PTPRT: variants seen among roughly 807,000 people sequenced by gnomAD.
PTPRT encodes receptor-type tyrosine-protein phosphatase T.
Under a neutral mutation model 176.8 loss-of-function variants are expected in PTPRT, and 56 were observed. The ratio of observed to expected loss-of-function variants is 0.32; its 90% CI spans 0.26 to 0.40. The LOEUF is 0.40. Ranked by LOEUF, PTPRT falls within the 10% of genes least tolerant of loss-of-function variation. PTPRT has a pLI of 1.00. For synonymous variants in PTPRT, 783 were observed against 739.0 expected, an observed-to-expected ratio of 1.06 and a Z score of -0.96; for missense variants, 1,540 against 1,908.2, an observed-to-expected ratio of 0.81 and a Z score of 3.60.
intron 7 of PTPRT, among the ~76,000 whole-genome samples, chr20:42,518,219 G>A (rs1217370977): frequency 6.6e-6 from 1 of 151,912 alleles, no homozygotes; most frequent in Non-Finnish European, 1.5e-5. Context: ...TTTTAATAGT[G>A]TTTCCTAGTG....
chr20:42,322,319 A>G (rs2057811950), intron 11 of PTPRT, among the ~76,000 whole-genome samples: 1 of 150,662 alleles, frequency 6.6e-6, no homozygotes, highest in Non-Finnish European at 1.5e-5. Context: ...CTAAGCCAAA[A>G]GAACAAAGCT....
chr20:42,837,376 C>T (rs2078199818), intron 2 of PTPRT, among the ~76,000 whole-genome samples: 1 of 152,224 alleles, frequency 6.6e-6, no homozygotes, highest in African/African-American at 2.4e-5. Flanking sequence ...GCCTCCGCCA[C>T]CCCTCAGCAC....
chr20:42,859,270 C>T (rs1326797376), intron 2 of PTPRT, among the ~76,000 whole-genome samples: 2 of 152,192 alleles, frequency 1.3e-5, no homozygotes, highest in African/African-American at 4.8e-5. Context: ...AACGGAATAA[C>T]TGACACTCTG....
At chr20:42,373,577 A>G (rs1246607799) in intron 9 of PTPRT, among the ~76,000 whole-genome samples, 2 of 152,174 alleles carry the variant, frequency 1.3e-5, no homozygotes, top group Non-Finnish European at 2.9e-5. Context: ...ACCTCAGACT[A>G]TAAATGAACC....
chr20:42,079,438 G>A lies in PTPRT; in HGVS notation c.*1441C>T, dbSNP rs977323706. 4 of 219,364 alleles carry A rather than the reference G, an allele frequency of 1.8e-5. No individual in the cohort carries two copies. The highest frequency in any genetic ancestry group is 4.5e-5 in the African/African-American group (2 of 44,510). The allele number at this position is 219,364 out of a possible 1,614,324, so 13.6% of individuals were successfully genotyped here. A position where few individuals can be genotyped will look rare whatever the true frequency, so the allele number is the denominator to read the frequency against. Reference sequence around the variant, plus strand: ...AGGATTTCATTACTAAGGAAGGTGCGTGGGTTTCCTCATTGGAGGAGATGA... The same window carrying A: ...AGGATTTCATTACTAAGGAAGGTGCATGGGTTTCCTCATTGGAGGAGATGA... On this transcript the variant is annotated 3_prime_UTR_variant, in exon 31 of 31. Transcript: ENST00000373187.
At chr20:42,380,380 T>C (rs1377246524) in intron 9 of PTPRT, among the ~76,000 whole-genome samples, 1 of 152,114 alleles carries the variant, frequency 6.6e-6, no homozygotes, top group African/African-American at 2.4e-5. Flanking sequence ...CCACACTCAC[T>C]GTCCTGCCTC....
intron 17 of PTPRT, among the ~76,000 whole-genome samples, 153 bp downstream of exon 17, chr20:42,161,199 G>A (rs573487916): frequency 1.1e-4 from 16 of 152,282 alleles, no homozygotes; most frequent in Admixed American, 9.8e-4. Context: ...GATTCAGTAG[G>A]GAGGGATGGG....
At chr20:42,954,621 C>A (rs2146024954) in intron 1 of PTPRT, among the ~76,000 whole-genome samples, 1 of 152,032 alleles carries the variant, frequency 6.6e-6, no homozygotes, top group East Asian at 1.9e-4. Flanking sequence ...TTTTTTTTAC[C>A]ATTTGCAGTC....
At chr20:42,039,784 T>C in the PTPRT span, among the ~76,000 whole-genome samples, 2 of 151,012 alleles carry the variant, frequency 1.3e-5, no homozygotes, top group African/African-American at 2.4e-5. Flanking sequence ...TTCCAAGGTA[T>C]TTTCCGTATA....
intron 6 of PTPRT, among the ~76,000 whole-genome samples, chr20:42,705,731 C>A (rs139030031): frequency 1.3e-5 from 2 of 152,134 alleles, no homozygotes; most frequent in African/African-American, 4.8e-5. Context: ...CTCATGGCAA[C>A]CTTGGCTTCT....
chr20:43,125,536 C>G, intron 1 of PTPRT, among the ~76,000 whole-genome samples: 1 of 152,188 alleles, frequency 6.6e-6, no homozygotes, highest in East Asian at 1.9e-4. Context: ...CATCTATAAG[C>G]ATCCAACTTG....
In PTPRT at chr20:42,995,589, T is replaced by G. The variant is rs150267798; in HGVS notation, c.89-109657A>C. Among the ~76,000 whole-genome samples, 10 of 152,280 alleles carry G rather than the reference T, an allele frequency of 6.6e-5. No individual in the cohort carries two copies. The East Asian group carries it at 1.9e-3, about 29-fold the overall frequency. ...AGAAGTGAGGACAGGCAAGCACCCCTGTACTGAGCACAAAAATGTCAGGCC... is the reference window on the plus strand; with the variant it reads ...AGAAGTGAGGACAGGCAAGCACCCCGGTACTGAGCACAAAAATGTCAGGCC... On this transcript the variant is annotated intron_variant, in intron 1 of 30. Transcript: ENST00000373187.
rs574981767 is a variant in PTPRT at position 42,817,793 on chromosome 20, A to G, written c.215-26327T>C. Among the ~76,000 whole-genome samples the G allele has an allele frequency of 9.2e-5, 14 of 152,228 alleles. 1 individual carries two copies. The South Asian group carries it at 2.7e-3, about 29-fold the overall frequency. ...GCCTCTTCAGGCCTAACCCTGACCTATCCTTCCTCATTGGGCAGGGCTTCC... is the reference window on the plus strand; with the variant it reads ...GCCTCTTCAGGCCTAACCCTGACCTGTCCTTCCTCATTGGGCAGGGCTTCC... On this transcript the variant is annotated intron_variant, in intron 2 of 30. Coordinates refer to ENST00000373187, the MANE Select transcript of PTPRT (RefSeq NM_007050.6).
At chr20:42,514,567 G>C (rs1209086479) in intron 7 of PTPRT, among the ~76,000 whole-genome samples, 1 of 152,068 alleles carries the variant, frequency 6.6e-6, no homozygotes, top group Non-Finnish European at 1.5e-5. Flanking sequence ...CAATTGATTT[G>C]GGGGTGCCTT....
At chr20:42,482,128 G>A (rs563611782) in intron 7 of PTPRT, among the ~76,000 whole-genome samples, 1 of 152,300 alleles carries the variant, frequency 6.6e-6, no homozygotes, top group South Asian at 2.1e-4. Flanking sequence ...ACCAGGTAAA[G>A]GGGAAGAGTG....
At chr20:42,745,822 G>A (rs531691417) in intron 6 of PTPRT, among the ~76,000 whole-genome samples, 51 of 152,198 alleles carry the variant, frequency 3.4e-4, no homozygotes, top group Non-Finnish European at 6.3e-4. Context: ...GCCTTGGACT[G>A]TGTGACTCTG....
intron 1 of PTPRT, among the ~76,000 whole-genome samples, chr20:43,123,159 G>T (rs931313090): frequency 3.9e-5 from 6 of 152,102 alleles, no homozygotes; most frequent in African/African-American, 1.4e-4. Flanking sequence ...CGGCCCCCTG[G>T]TATTTCTTTA....
At chr20:42,473,932 T>C (rs1457174856) in intron 7 of PTPRT, among the ~76,000 whole-genome samples, 1 of 152,212 alleles carries the variant, frequency 6.6e-6, no homozygotes, top group Non-Finnish European at 1.5e-5. Flanking sequence ...TGCCCAATTA[T>C]GTATCCTCTT....
intron 2 of PTPRT, among the ~76,000 whole-genome samples, chr20:42,815,261 A>G (rs1238016009): frequency 1.3e-5 from 2 of 152,292 alleles, no homozygotes; most frequent in South Asian, 2.1e-4. Context: ...ATGTTGGTCA[A>G]TTGTGTCCTC....
Sources: gnomAD v4.1 joint callset for allele counts (sites outside exome capture counted in the v4.1 genomes callset) on GRCh38, gnomAD v4.1.1 for gene constraint, MANE v1.5 for transcripts, NCBI Gene and HGNC (gene_info 2026-07-23, HGNC 2026-07-21) for gene names.